The following CNOT6L variants were observed in gnomAD, a reference collection of about 807,000 sequenced individuals.
The protein encoded by CNOT6L is CCR4-NOT transcription complex subunit 6 like, also known as CCR4-NOT transcription complex subunit 6-like.
CNOT6L carries 7 observed loss-of-function variants against 64.0 expected under a neutral mutation model. The ratio of observed to expected loss-of-function variants is 0.11; its 90% CI spans 0.06 to 0.21. The LOEUF is 0.21. Among genes scored for constraint, CNOT6L ranks in the 10% least tolerant of loss-of-function variants. The probability of loss-of-function intolerance (pLI) is 1.00; values close to 1 mark genes in which losing one functional copy is unlikely to be tolerated. For missense variants in CNOT6L, 245 were observed against 669.0 expected (o/e 0.37, Z 6.99); for synonymous variants, 193 against 243.4 (o/e 0.79, Z 1.93).
At chr4:77,772,574 T>C (rs1727685173) in intron 4 of CNOT6L, among the ~76,000 whole-genome samples, 1 of 152,158 alleles carries the variant, frequency 6.6e-6, no homozygotes. Context: ...CCTTACAAGT[T>C]TGTTAATATG....
chr4:77,776,215 C>A (rs2110065922), intron 2 of CNOT6L, 56 bp downstream of exon 2: 1 of 1,559,728 alleles, frequency 6.4e-7, no homozygotes, highest in South Asian at 1.2e-5. Flanking sequence ...TAGCAATACT[C>A]AACTTTTGTA....
At chr4:77,802,410 C>G (rs1423344922) in intron 1 of CNOT6L, among the ~76,000 whole-genome samples, 4 of 152,186 alleles carry the variant, frequency 2.6e-5, no homozygotes, top group African/African-American at 9.6e-5. Context: ...TAAAATATGC[C>G]TCTTATCATG....
At chr4:77,763,303 A>G (rs1332508931) in intron 4 of CNOT6L, among the ~76,000 whole-genome samples, 1 of 152,124 alleles carries the variant, frequency 6.6e-6, no homozygotes, top group Non-Finnish European at 1.5e-5. Flanking sequence ...CAAAAGGTTG[A>G]AAGTAAATGG....
intron 1 of CNOT6L, among the ~76,000 whole-genome samples, chr4:77,805,636 C>T (rs1256614706): frequency 6.6e-6 from 1 of 152,130 alleles, no homozygotes; most frequent in Non-Finnish European, 1.5e-5. Flanking sequence ...CATTGCAAGA[C>T]GTTACTTAAC....
intron 1 of CNOT6L, among the ~76,000 whole-genome samples, chr4:77,784,885 C>T (rs1729267576): frequency 6.6e-6 from 1 of 152,092 alleles, no homozygotes; most frequent in Non-Finnish European, 1.5e-5. Flanking sequence ...TCATTCTTGG[C>T]TTAAGTCATC....
At chr4:77,754,722 A>G (rs1269149629) in intron 5 of CNOT6L, among the ~76,000 whole-genome samples, 2 of 151,426 alleles carry the variant, frequency 1.3e-5, no homozygotes, top group African/African-American at 4.9e-5. Flanking sequence ...CTCATGGAAG[A>G]GAATAAAGAA....
chr4:77,753,783 C>T (rs182186814), intron 5 of CNOT6L, among the ~76,000 whole-genome samples: 32 of 150,896 alleles, frequency 2.1e-4, no homozygotes, highest in South Asian at 8.4e-4. Flanking sequence ...TCTAGGAATA[C>T]CAAAGGTGGT....
At chr4:77,818,258 A>G (rs1733794130) in intron 1 of CNOT6L, among the ~76,000 whole-genome samples, 1 of 152,206 alleles carries the variant, frequency 6.6e-6, no homozygotes, top group South Asian at 2.1e-4. Flanking sequence ...CGACCGAGTT[A>G]AGCAGGATGA....
chr4:77,778,028 T>A (rs1410534243), intron 1 of CNOT6L, among the ~76,000 whole-genome samples: 3 of 152,232 alleles, frequency 2.0e-5, no homozygotes, highest in African/African-American at 7.2e-5. Flanking sequence ...ACTCTAATCT[T>A]ACACAATTTG....
At position 77,715,155 on chromosome 4, in the gene CNOT6L, G is replaced by C. The variant is rs1720616718; in HGVS notation, c.*5276C>G. On this transcript the variant is annotated 3_prime_UTR_variant, in exon 12 of 12. Transcript: ENST00000504123. ...AAAATTATCTAAATTTTGAGAGATTGTTCTAACAAAAATAACTAGTACTAG... is the reference window on the plus strand; with the variant it reads ...AAAATTATCTAAATTTTGAGAGATTCTTCTAACAAAAATAACTAGTACTAG... 1.3e-5 allele frequency: 2 copies of C among 152,062 alleles called. No individual in the cohort carries two copies. The highest frequency in any genetic ancestry group is 4.1e-4 in the South Asian group (2 of 4,826). The allele number at this position is 152,062 out of a possible 1,614,324, so 9.4% of individuals were successfully genotyped here.
chr4:77,802,469 A>C (rs1385802610), intron 1 of CNOT6L, among the ~76,000 whole-genome samples: 1 of 152,214 alleles, frequency 6.6e-6, no homozygotes, highest in Non-Finnish European at 1.5e-5. Context: ...TAATTACTAA[A>C]TGAATTTTCA....
At chr4:77,760,886 T>C (rs1726146503) in intron 4 of CNOT6L, among the ~76,000 whole-genome samples, 1 of 99,138 alleles carries the variant, frequency 1.0e-5, no homozygotes, top group Non-Finnish European at 2.2e-5. Context: ...TTTTTTTTTT[T>C]TTTTTTTTTA....
chr4:77,817,567 TA>T (rs1186114482), intron 1 of CNOT6L, among the ~76,000 whole-genome samples: 1 of 152,214 alleles, frequency 6.6e-6, no homozygotes, highest in Non-Finnish European at 1.5e-5. Context: ...CTGTGACTGA[TA>T]AAACTGTGGC....
intron 8 of CNOT6L, among the ~76,000 whole-genome samples, chr4:77,732,082 A>C (rs1462847428): frequency 6.6e-6 from 1 of 152,130 alleles, no homozygotes; most frequent in Non-Finnish European, 1.5e-5. Context: ...ATACAGGGGC[A>C]CACCTTTATC....
chr4:77,783,950 T>A (rs954026623), intron 1 of CNOT6L, among the ~76,000 whole-genome samples: 1 of 150,892 alleles, frequency 6.6e-6, no homozygotes, highest in Non-Finnish European at 1.5e-5. Flanking sequence ...ACACTAGTTA[T>A]CTGTGCAAAT....
intron 4 of CNOT6L, among the ~76,000 whole-genome samples, chr4:77,771,977 A>G (rs539388475): frequency 2.6e-5 from 4 of 152,354 alleles, no homozygotes; most frequent in Admixed American, 2.6e-4. Flanking sequence ...GCTATGCCAT[A>G]AGAGAAAATT....
At chr4:77,791,120 A>AT (rs2110109375) in intron 1 of CNOT6L, among the ~76,000 whole-genome samples, 1 of 152,194 alleles carries the variant, frequency 6.6e-6, no homozygotes, top group South Asian at 2.1e-4. Context: ...TATACTGAAA[A>AT]TAAAAAAATT....
intron 1 of CNOT6L, among the ~76,000 whole-genome samples, chr4:77,802,258 C>G (rs1210953041): frequency 1.3e-5 from 2 of 152,116 alleles, no homozygotes; most frequent in Non-Finnish European, 2.9e-5. Context: ...AGCATTGATT[C>G]TCTATCCTCT....
intron 4 of CNOT6L, among the ~76,000 whole-genome samples, chr4:77,772,757 C>T (rs1441646512): frequency 2.0e-5 from 3 of 151,990 alleles, no homozygotes; most frequent in African/African-American, 7.2e-5. Context: ...CCCGTCTCTA[C>T]TAAAAATACA....
Sources: allele counts gnomAD v4.1 joint callset (sites outside exome capture counted in the v4.1 genomes callset), GRCh38; gene constraint gnomAD v4.1.1; transcripts MANE v1.5; gene names NCBI Gene and HGNC (gene_info 2026-07-23, HGNC 2026-07-21).